SLC4A10: variants seen among roughly 807,000 people sequenced by gnomAD.
SLC4A10 encodes solute carrier family 4 member 10.
A neutral mutation model predicts 137.7 loss-of-function variants in SLC4A10; 42 were observed. The observed-to-expected ratio is 0.30, with a 90% CI of 0.24 to 0.39. The LOEUF is 0.39. Ranked by LOEUF, SLC4A10 falls within the 10% of genes least tolerant of loss-of-function variation. The pLI, the probability that SLC4A10 is intolerant of heterozygous loss-of-function variation, is 1.00. For synonymous variants in SLC4A10, 474 were observed against 464.1 expected, an observed-to-expected ratio of 1.02 and a Z score of -0.27; for missense variants, 925 against 1,355.0, an observed-to-expected ratio of 0.68 and a Z score of 4.98.
At chr2:161,835,934 G>A (rs1179761387) in intron 3 of SLC4A10, among the ~76,000 whole-genome samples, 2 of 152,204 alleles carry the variant, frequency 1.3e-5, no homozygotes, top group East Asian at 1.9e-4. Context: ...GGTATATACT[G>A]TAGATTGGTC....
chr2:161,774,423 C>A (rs2125437949), intron 2 of SLC4A10, among the ~76,000 whole-genome samples: 1 of 151,760 alleles, frequency 6.6e-6, no homozygotes, highest in Middle Eastern at 3.4e-3. Context: ...ATCTGGAAAC[C>A]TTAGTAGTGG....
chr2:161,920,480 T>A (rs1687929004), intron 15 of SLC4A10, among the ~76,000 whole-genome samples: 1 of 152,216 alleles, frequency 6.6e-6, no homozygotes, highest in Non-Finnish European at 1.5e-5. Flanking sequence ...CTTATAGTAC[T>A]TAAAGGACAA....
At chr2:161,887,128 C>A (rs2062391145) in intron 10 of SLC4A10, among the ~76,000 whole-genome samples, 1 of 152,072 alleles carries the variant, frequency 6.6e-6, no homozygotes, top group South Asian at 2.1e-4. Context: ...AACGTGTCCT[C>A]TTTTATGGCT....
At chr2:161,882,250 C>A in intron 9 of SLC4A10, 107 bp from the exon 10 acceptor site, 1 of 584,288 alleles carries the variant, frequency 1.7e-6, no homozygotes. Flanking sequence ...AAGTATTTGC[C>A]ATCACAATCT....
At chr2:161,830,195 G>T (rs2058344122) in intron 3 of SLC4A10, among the ~76,000 whole-genome samples, 1 of 150,888 alleles carries the variant, frequency 6.6e-6, no homozygotes, top group African/African-American at 2.4e-5. Flanking sequence ...AACCAGGGCA[G>T]TTTTATTGAG....
chr2:161,882,791 A>G (rs973480118), intron 10 of SLC4A10, among the ~76,000 whole-genome samples: 6 of 152,170 alleles, frequency 3.9e-5, no homozygotes, highest in African/African-American at 1.4e-4. Flanking sequence ...CGAAGTCTAA[A>G]GAAAAAACAA....
chr2:161,661,286 C>A (rs570416071), intron 1 of SLC4A10, among the ~76,000 whole-genome samples: 8 of 152,086 alleles, frequency 5.3e-5, no homozygotes, highest in Non-Finnish European at 1.2e-4. Flanking sequence ...ACTATCCTGG[C>A]CAACATGGTG....
At chr2:161,937,007 C>A (rs1039321266) in intron 15 of SLC4A10, among the ~76,000 whole-genome samples, 1 of 152,088 alleles carries the variant, frequency 6.6e-6, no homozygotes, top group East Asian at 1.9e-4. Flanking sequence ...TTGCAATCTA[C>A]AAAAGTATTT....
intron 26 of SLC4A10, among the ~76,000 whole-genome samples, chr2:161,978,463 G>A (rs962462858): frequency 7.0e-4 from 106 of 151,676 alleles, no homozygotes; most frequent in Non-Finnish European, 9.6e-4. Context: ...CCTCCATTAT[G>A]TACCACCATG....
chr2:161,659,860 A>C (rs1178259790), intron 1 of SLC4A10, among the ~76,000 whole-genome samples: 1 of 152,206 alleles, frequency 6.6e-6, no homozygotes, highest in Non-Finnish European at 1.5e-5. Context: ...TACGATATGA[A>C]TGAACCATAA....
At chr2:161,678,176 T>C (rs1314224892) in intron 1 of SLC4A10, among the ~76,000 whole-genome samples, 1 of 152,178 alleles carries the variant, frequency 6.6e-6, no homozygotes, top group Non-Finnish European at 1.5e-5. Flanking sequence ...TCTGTCCTAA[T>C]CTGGATGACT....
chr2:161,847,098 G>A (rs75728754), intron 4 of SLC4A10, among the ~76,000 whole-genome samples: 1 of 137,944 alleles, frequency 7.2e-6, no homozygotes, highest in African/African-American at 2.8e-5. Context: ...AAAAAAAAAA[G>A]CCAGACATAG....
At chr2:161,733,247 A>T (rs1172207496) in intron 1 of SLC4A10, among the ~76,000 whole-genome samples, 2 of 152,100 alleles carry the variant, frequency 1.3e-5, no homozygotes, top group South Asian at 4.1e-4. Context: ...GCCTAGGAGG[A>T]AAAAGTGGTT....
At chr2:161,687,945 GGGTATATCTTCAT>G (rs2041610161) in intron 1 of SLC4A10, among the ~76,000 whole-genome samples, 1 of 152,078 alleles carries the variant, frequency 6.6e-6, no homozygotes, top group East Asian at 1.9e-4. Context: ...ATCCAGTCTT[GGGTATATCTTCAT>G]AGCAATGTAA....
At chr2:161,961,556 T>TC (rs1696727965) in intron 21 of SLC4A10, among the ~76,000 whole-genome samples, 1 of 151,448 alleles carries the variant, frequency 6.6e-6, no homozygotes, top group East Asian at 1.9e-4. Flanking sequence ...CCTTTTTTTT[T>TC]TTTTTTGCCT....
chr2:161,857,948 T>C (rs1278065947), intron 5 of SLC4A10, among the ~76,000 whole-genome samples: 1 of 152,134 alleles, frequency 6.6e-6, no homozygotes, highest in Non-Finnish European at 1.5e-5. Context: ...CTGGGTTCAA[T>C]TGATCCACCT....
intron 1 of SLC4A10, among the ~76,000 whole-genome samples, chr2:161,635,176 A>G (rs1360060846): frequency 1.3e-5 from 2 of 151,908 alleles, no homozygotes; most frequent in East Asian, 3.9e-4. Flanking sequence ...TATTTTTTTT[A>G]AGATTCACAC....
In SLC4A10 at chr2:161,705,908, C is replaced by T. The variant is rs745884621; in HGVS notation, c.49-65065C>T. ...AATATTTGTTAAGGCTTATTAGGGC[C>T]TAAAGTCTAGAGGCATTCTGCTTTA... On this transcript the variant is annotated intron_variant, in intron 1 of 26. Transcript: ENST00000446997. 3.0e-4 allele frequency among the ~76,000 whole-genome samples: 46 copies of T among 151,502 alleles called. No homozygotes were observed. In the Middle Eastern group the frequency reaches 0.014, roughly 45 times the overall value.
At chr2:161,927,705 G>T (rs1240944550) in intron 15 of SLC4A10, among the ~76,000 whole-genome samples, 2 of 152,022 alleles carry the variant, frequency 1.3e-5, no homozygotes, top group Non-Finnish European at 2.9e-5. Flanking sequence ...TCAAAAAGTG[G>T]GCAAAGGACA....
Sources: gnomAD v4.1 joint callset for allele counts (sites outside exome capture counted in the v4.1 genomes callset) on GRCh38, gnomAD v4.1.1 for gene constraint, MANE v1.5 for transcripts, NCBI Gene and HGNC (gene_info 2026-07-23, HGNC 2026-07-21) for gene names.